ZFR: variants seen among roughly 807,000 people sequenced by gnomAD.
ZFR encodes zinc finger RNA binding protein, also known as zinc finger RNA-binding protein.
ZFR carries 19 observed loss-of-function variants against 130.7 expected under a neutral mutation model. That is an observed-to-expected ratio of 0.15 (90% CI 0.10 to 0.21). The LOEUF (loss-of-function observed/expected upper bound fraction) is 0.21, where lower values mean the gene tolerates loss of function less well. Ranked by LOEUF, ZFR falls within the 10% of genes least tolerant of loss-of-function variation. The probability of loss-of-function intolerance (pLI) is 1.00; values close to 1 mark genes in which losing one functional copy is unlikely to be tolerated. For missense variants in ZFR, 872 were observed against 1,321.5 expected (o/e 0.66, Z 5.27); for synonymous variants, 466 against 456.9 (o/e 1.02, Z -0.25).
At position 32,397,237 on chromosome 5, in the gene ZFR, T is replaced by C; in HGVS notation, c.1815A>G (p.Arg605=). ...NAKEMHLKGR[R]HRLQYKKKVN... ...TACTCACTTTATATTGAAGTCTGTG[T>C]CTTCGCCCTTTTAAGTGCATCTCCT... The change falls in exon 10 of 20, where the codon AGA becomes AGG. Residue 605 remains arginine, a synonymous_variant. Transcript: ENST00000265069. The C allele has an allele frequency of 1.9e-6, 3 of 1,611,244 alleles. No individual in the cohort carries two copies. The highest frequency in any genetic ancestry group is 2.2e-5 in the South Asian group (2 of 90,062).
chr5:32,425,584 G>C (rs551554530), intron 2 of ZFR, among the ~76,000 whole-genome samples: 1 of 152,332 alleles, frequency 6.6e-6, no homozygotes, highest in East Asian at 1.9e-4. Context: ...CTGGAGTGCA[G>C]TGGCACAATC....
chr5:32,406,732 A>T, intron 6 of ZFR, 42 bp downstream of exon 6: 1 of 1,575,892 alleles, frequency 6.3e-7, no homozygotes, highest in Admixed American at 2.1e-5. Context: ...ACTACACTTA[A>T]TAACCACTGA....
At chr5:32,357,936 C>G (rs1752347478) in intron 19 of ZFR, among the ~76,000 whole-genome samples, 1 of 152,178 alleles carries the variant, frequency 6.6e-6, no homozygotes, top group African/African-American at 2.4e-5. Context: ...TTCTTCCATT[C>G]CAAAGGTTTA....
intron 7 of ZFR, 92 bp downstream of exon 7, chr5:32,403,814 C>T (rs768226172): frequency 5.5e-5 from 70 of 1,269,786 alleles, no homozygotes; most frequent in Non-Finnish European, 7.1e-5. Flanking sequence ...TAAAAGTTTT[C>T]GAACTTTGAA....
rs73757228 is a variant in ZFR, at chr5:32,403,074, A to G, written c.1516+32T>C. 4.6e-4 allele frequency: 731 copies of G among 1,595,710 alleles called. 5 individuals are homozygous for G. The African/African-American group carries it at 8.9e-3, about 19-fold the overall frequency. ...TGGAGAAGAAACAACACTTTGACAG[A>G]GTCAGCAGGGACAGAGAATATCAGT... On this transcript the variant is annotated intron_variant, in intron 8 of 19. Coordinates refer to ENST00000265069, the MANE Select transcript of ZFR (RefSeq NM_016107.5).
At chr5:32,402,902 T>G (rs578222318) in intron 8 of ZFR, among the ~76,000 whole-genome samples, 1 of 151,150 alleles carries the variant, frequency 6.6e-6, no homozygotes, top group South Asian at 2.1e-4. Context: ...CACAGATATA[T>G]CTGTATGGCT....
intron 18 of ZFR, 49 bp from the exon 19 acceptor site, chr5:32,364,094 T>C (rs1045009052): frequency 8.8e-6 from 14 of 1,596,452 alleles, no homozygotes; most frequent in Non-Finnish European, 1.2e-5. Flanking sequence ...TGTCCACTTA[T>C]AAAAAAAATT....
chr5:32,376,870 T>C (rs1194992449), intron 17 of ZFR, among the ~76,000 whole-genome samples: 1 of 151,330 alleles, frequency 6.6e-6, no homozygotes, highest in Non-Finnish European at 1.5e-5. Flanking sequence ...TCCCAGCTAC[T>C]TGGAAAACGG....
chr5:32,440,137 TG>T (rs1246620102), intron 2 of ZFR, among the ~76,000 whole-genome samples: 1 of 152,194 alleles, frequency 6.6e-6, no homozygotes, highest in East Asian at 1.9e-4. Flanking sequence ...ACTAGATTTA[TG>T]TAAGTGCATT....
intron 2 of ZFR, among the ~76,000 whole-genome samples, chr5:32,420,868 T>G (rs1451611772): frequency 6.6e-6 from 1 of 152,216 alleles, no homozygotes; most frequent in Non-Finnish European, 1.5e-5. Context: ...ATGGAATATC[T>G]ATTATTTTAG....
chr5:32,431,596 T>C (rs755011222), intron 2 of ZFR, among the ~76,000 whole-genome samples: 2 of 152,214 alleles, frequency 1.3e-5, no homozygotes, highest in Non-Finnish European at 2.9e-5. Flanking sequence ...AGCAAAGTAA[T>C]TGATAGATAC....
At chr5:32,398,357 T>C (rs913778513) in intron 9 of ZFR, among the ~76,000 whole-genome samples, 5 of 152,222 alleles carry the variant, frequency 3.3e-5, no homozygotes, top group African/African-American at 4.8e-5. Context: ...TGTAACTTTA[T>C]GGAAAATTAA....
At chr5:32,403,865 C>A (rs1428915070) in intron 7 of ZFR, 41 bp downstream of exon 7, 1 of 1,497,456 alleles carries the variant, frequency 6.7e-7, no homozygotes. Context: ...TAAAAGATAA[C>A]AGAATCAAGG....
At chr5:32,424,489 C>A (rs974881200) in intron 2 of ZFR, among the ~76,000 whole-genome samples, 1 of 149,704 alleles carries the variant, frequency 6.7e-6, no homozygotes, top group Non-Finnish European at 1.5e-5. Context: ...CGAGATCGCG[C>A]GCCACTGCAG....
intron 17 of ZFR, among the ~76,000 whole-genome samples, chr5:32,373,574 T>C (rs1215433746): frequency 6.6e-6 from 1 of 152,054 alleles, no homozygotes; most frequent in East Asian, 1.9e-4. Flanking sequence ...TCAAGAAATT[T>C]GTAAAATAAT....
At chr5:32,427,433 G>C (rs1238571139) in intron 2 of ZFR, among the ~76,000 whole-genome samples, 1 of 146,684 alleles carries the variant, frequency 6.8e-6, no homozygotes, top group Admixed American at 6.8e-5. Context: ...AATAAACCTA[G>C]CCAAGAAGGT....
At chr5:32,426,810 C>T (rs1000506756) in intron 2 of ZFR, among the ~76,000 whole-genome samples, 6 of 150,560 alleles carry the variant, frequency 4.0e-5, no homozygotes, top group East Asian at 2.0e-4. Context: ...GGCTGAAGCA[C>T]GGGAATTGCT....
At chr5:32,437,788 C>G (rs1167576868) in intron 2 of ZFR, among the ~76,000 whole-genome samples, 1 of 152,064 alleles carries the variant, frequency 6.6e-6, no homozygotes, top group Non-Finnish European at 1.5e-5. Context: ...ATGTCTATCT[C>G]TGGGATCTCT....
chr5:32,438,320 A>G (rs1754388847), intron 2 of ZFR, among the ~76,000 whole-genome samples: 1 of 132,806 alleles, frequency 7.5e-6, no homozygotes, highest in African/African-American at 2.9e-5. Context: ...CTGGAGTGCA[A>G]TGGCGCGATC....
Sources: gnomAD v4.1 joint callset for allele counts (sites outside exome capture counted in the v4.1 genomes callset) on GRCh38, gnomAD v4.1.1 for gene constraint, MANE v1.5 for transcripts, NCBI Gene and HGNC (gene_info 2026-07-23, HGNC 2026-07-21) for gene names.